Variants in MTHFD1 observed in about 807,000 individuals in gnomAD.
The protein encoded by MTHFD1 is C-1-tetrahydrofolate synthase, cytoplasmic.
Under a neutral mutation model 110.3 loss-of-function variants are expected in MTHFD1, and 44 were observed. The ratio of observed to expected loss-of-function variants is 0.40; its 90% CI spans 0.31 to 0.51. The LOEUF (loss-of-function observed/expected upper bound fraction) is 0.51, where lower values mean the gene tolerates loss of function less well. Ranked by LOEUF, MTHFD1 falls within the 20% of genes least tolerant of loss-of-function variation. The pLI, the probability that MTHFD1 is intolerant of heterozygous loss-of-function variation, is 0.60. For missense variants in MTHFD1, 909 were observed against 1,173.1 expected (o/e 0.77, Z 3.29); for synonymous variants, 402 against 428.8 (o/e 0.94, Z 0.77).
chr14:64,411,770 G>A (rs985925956), intron 3 of MTHFD1, among the ~76,000 whole-genome samples: 22 of 152,042 alleles, frequency 1.4e-4, no homozygotes, highest in South Asian at 4.1e-4. Flanking sequence ...GTGTGGTGGC[G>A]CATGCCTGTA....
chr14:64,389,883 G>A (rs1289202082), intron 1 of MTHFD1, among the ~76,000 whole-genome samples: 1 of 152,150 alleles, frequency 6.6e-6, no homozygotes, highest in Non-Finnish European at 1.5e-5. Context: ...AAGACTGATT[G>A]TGAAGAGATA....
chr14:64,438,373 A>G (rs1251741495), intron 16 of MTHFD1, among the ~76,000 whole-genome samples: 2 of 152,200 alleles, frequency 1.3e-5, no homozygotes, highest in Non-Finnish European at 2.9e-5. Flanking sequence ...AGACACTCCT[A>G]TCACCCTTGG....
chr14:64,441,126 A>C, intron 18 of MTHFD1: 1 of 429,646 alleles, frequency 2.3e-6, no homozygotes, highest in South Asian at 2.0e-5. Flanking sequence ...TGGGAGGTGG[A>C]GCTTGCAGTG....
intron 7 of MTHFD1, among the ~76,000 whole-genome samples, chr14:64,418,466 T>A (rs922573983): frequency 2.0e-5 from 2 of 102,458 alleles, no homozygotes; most frequent in Admixed American, 1.1e-4. Context: ...AAAAAAAAAA[T>A]TAATTAATTA....
chr14:64,425,996 A>G (rs1309902747), intron 10 of MTHFD1, 23 bp from the exon 11 acceptor site: 2 of 1,613,096 alleles, frequency 1.2e-6, no homozygotes, highest in East Asian at 4.5e-5. Flanking sequence ...AAACATTAAT[A>G]CCTATTTTCT....
intron 12 of MTHFD1, 90 bp from the exon 13 acceptor site, chr14:64,430,094 T>C (rs745329972): frequency 1.4e-5 from 15 of 1,046,206 alleles, no homozygotes; most frequent in Middle Eastern, 2.7e-4. Flanking sequence ...ATGTGCTTAG[T>C]AGTTACAATA....
In MTHFD1 at chr14:64,415,734, A is replaced by G; in HGVS notation, c.473A>G (p.Glu158Gly). 1 of 1,614,008 alleles carries G rather than the reference A, an allele frequency of 6.2e-7. No homozygotes were observed. Among genetic ancestry groups the G allele is most frequent in the Non-Finnish European group, 8.5e-7 (1 of 1,179,910 alleles). Residue 158 changes from glutamate (E) to glycine (G), a missense_variant, in exon 6 of 28, where the codon GAG (glutamate) becomes GGG (glycine). Physicochemically the swap from Glu to Gly is moderately conservative, Grantham distance 98. Transcript: ENST00000652337. ...AAGGGATGCTTGGAACTCATCAAAGAGACAGGTAAAAACAACAAACCAAAC... is the reference window on the plus strand; with the variant it reads ...AAGGGATGCTTGGAACTCATCAAAGGGACAGGTAAAAACAACAAACCAAAC... Reference protein sequence around the residue: ...TPKGCLELIKETGVPIAGRHA... With the variant: ...TPKGCLELIKGTGVPIAGRHA...
rs982097903 is a variant in MTHFD1, at chr14:64,400,784, T to C, written c.42-9T>C. ...TCAGTGTTAACCCCACCCTTTCCTT[T>C]TTCTCTAGGCAAATAAGGGCGAGAC... On this transcript the variant is annotated splice_polypyrimidine_tract_variant and intron_variant, in intron 1 of 27. Transcript: ENST00000652337. The C allele has an allele frequency of 6.2e-7, 1 of 1,604,896 alleles. No homozygotes were observed.
chr14:64,398,503 C>T (rs2077874183), intron 1 of MTHFD1, among the ~76,000 whole-genome samples: 1 of 152,132 alleles, frequency 6.6e-6, no homozygotes, highest in African/African-American at 2.4e-5. Flanking sequence ...GCTGTGATTG[C>T]ATCACTGCAC....
chr14:64,454,821 T>C lies in MTHFD1; in HGVS notation c.2664T>C (p.Ile888=). 2 of 1,614,226 alleles carry C rather than the reference T, an allele frequency of 1.2e-6. No individual in the cohort carries two copies. The highest frequency in any genetic ancestry group is 2.2e-5 in the South Asian group (2 of 91,082). The change falls in exon 26 of 28, where the codon ATT becomes ATC. Residue 888 remains isoleucine, a synonymous_variant. Coordinates refer to ENST00000652337, the MANE Select transcript of MTHFD1 (RefSeq NM_005956.4). ...TCCCTACAGGCTTCATTCTGCCCAT[T>C]CGCGACATCCGCGCCAGCGTTGGGG... ...KGVPTGFILP[I]RDIRASVGAG...
intron 12 of MTHFD1, among the ~76,000 whole-genome samples, chr14:64,429,452 TGCTTGG>T (rs1187662183): frequency 2.0e-5 from 3 of 151,772 alleles, no homozygotes; most frequent in Non-Finnish European, 2.9e-5. Context: ...TGAGCAGCCA[TGCTTGG>T]TGTCCTGAAC....
rs538489686 is a variant in MTHFD1 at position 64,448,392 on chromosome 14, CTTTAT to C, written c.2279+79_2279+83del. The C allele has an allele frequency of 1.1e-4, 126 of 1,193,626 alleles. 1 individual carries two copies. The South Asian group carries it at 1.4e-3, about 14-fold the overall frequency. 73.9% of individuals were successfully genotyped at this position (1,193,626 alleles called of 1,614,324 possible). ...GCTGATTGTACAGCACTGCTTTTAGCTTTATTTTGTTTTTCAGTTACTGCTATTGG... is the reference window on the plus strand; with the variant it reads ...GCTGATTGTACAGCACTGCTTTTAGCTTTGTTTTTCAGTTACTGCTATTGG... On this transcript the variant is annotated intron_variant, in intron 23 of 27. Transcript: ENST00000652337.
intron 1 of MTHFD1, among the ~76,000 whole-genome samples, chr14:64,397,206 A>T (rs1311557849): frequency 1.1e-5 from 1 of 93,398 alleles, no homozygotes; most frequent in Non-Finnish European, 1.9e-5. Context: ...ACAGTAATCT[A>T]TTGGGGCAGG....
chr14:64,439,266 G>A, intron 17 of MTHFD1, 94 bp downstream of exon 17: 1 of 908,744 alleles, frequency 1.1e-6, no homozygotes, highest in African/African-American at 1.6e-5. Flanking sequence ...GACTGATACT[G>A]CCAGGTGTTG....
chr14:64,423,436 C>T (rs367761951), intron 8 of MTHFD1, among the ~76,000 whole-genome samples: 6 of 152,116 alleles, frequency 3.9e-5, no homozygotes, highest in East Asian at 1.9e-4. Flanking sequence ...GACGGAGTTT[C>T]GCTCTTGTTG....
Position 64,459,741 on chromosome 14 carries a change from T to G in MTHFD1, c.*5-18T>G, listed in dbSNP as rs1308977914. 12 of 1,526,864 alleles carry G rather than the reference T, an allele frequency of 7.9e-6. No homozygotes were observed. In the Admixed American group the frequency reaches 2.4e-4, roughly 31 times the overall value. The allele number at this position is 1,526,864 out of a possible 1,614,324, so 94.6% of individuals were successfully genotyped here. A position where few individuals can be genotyped will look rare whatever the true frequency, so the allele number is the denominator to read the frequency against. ...TGCTTGCTTAGAGAAAACATTTATT[T>G]CTTGTTTTTCCTTCCAGATCACCAT... On this transcript the variant is annotated intron_variant, in intron 27 of 27. Transcript: ENST00000652337.
rs1490090396 is a variant in MTHFD1 at position 64,388,376 on chromosome 14, T to TGG, written c.-51_-50dup. 25 of 1,613,798 alleles carry TGG rather than the reference T, an allele frequency of 1.5e-5. No homozygotes were observed. Among genetic ancestry groups the TGG allele is most frequent in the Non-Finnish European group, 2.0e-5 (24 of 1,179,974 alleles). ...TTGTCCTGCTTGGCTGCGGAGGGAG[T>TGG]GGAACCTCGATATTGGTGGTGTCCA... On this transcript the variant is annotated 5_prime_UTR_variant, in exon 1 of 28. Coordinates refer to ENST00000652337, the MANE Select transcript of MTHFD1 (RefSeq NM_005956.4).
chr14:64,410,055 A>T (rs2077970115), intron 2 of MTHFD1, among the ~76,000 whole-genome samples: 1 of 152,222 alleles, frequency 6.6e-6, no homozygotes, highest in Admixed American at 6.5e-5. Context: ...AATACCAACC[A>T]CTGGAGCATG....
intron 7 of MTHFD1, among the ~76,000 whole-genome samples, chr14:64,418,275 G>A (rs1351178030): frequency 1.3e-5 from 2 of 151,592 alleles, no homozygotes; most frequent in Non-Finnish European, 2.9e-5. Flanking sequence ...ATAGTGAGAC[G>A]CTTTCTCTGC....
Sources: allele counts gnomAD v4.1 joint callset (sites outside exome capture counted in the v4.1 genomes callset), GRCh38; gene constraint gnomAD v4.1.1; transcripts MANE v1.5; gene names NCBI Gene and HGNC (gene_info 2026-07-23, HGNC 2026-07-21).